Variants in SEMA6D observed in about 807,000 individuals in gnomAD.
SEMA6D encodes the protein semaphorin 6D.
A neutral mutation model predicts 106.6 loss-of-function variants in SEMA6D; 35 were observed. That is an observed-to-expected ratio of 0.33 (90% confidence interval 0.25 to 0.44). The LOEUF is 0.44. SEMA6D is among the 20% of genes least tolerant of loss of function. SEMA6D has a pLI of 1.00. For synonymous variants in SEMA6D, 499 were observed against 487.7 expected (o/e 1.02, Z -0.31); for missense variants, 1,185 against 1,345.9 (o/e 0.88, Z 1.87).
intron 1 of SEMA6D, among the ~76,000 whole-genome samples, chr15:47,250,270 G>T (rs1013001053): frequency 1.1e-4 from 17 of 151,694 alleles, no homozygotes; most frequent in African/African-American, 4.1e-4. Flanking sequence ...AACAAGACAC[G>T]ACATACTGTG....
At chr15:47,452,382 C>G (rs1379009320) in intron 2 of SEMA6D, among the ~76,000 whole-genome samples, 1 of 150,514 alleles carries the variant, frequency 6.6e-6, no homozygotes, top group African/African-American at 2.4e-5. Flanking sequence ...AGCTTTGACA[C>G]TTAGCATCTG....
intron 1 of SEMA6D, among the ~76,000 whole-genome samples, chr15:47,246,375 A>G (rs2033199462): frequency 1.3e-5 from 2 of 152,140 alleles, no homozygotes; most frequent in Admixed American, 1.3e-4. Context: ...GGACACAAGT[A>G]CAGCCTACGG....
At chr15:47,220,142 G>A (rs1021140146) in intron 1 of SEMA6D, among the ~76,000 whole-genome samples, 2 of 152,310 alleles carry the variant, frequency 1.3e-5, no homozygotes, top group South Asian at 4.1e-4. Context: ...CTAGCCAGAG[G>A]AAGTGGAGAA....
intron 1 of SEMA6D, among the ~76,000 whole-genome samples, chr15:47,293,067 TG>T (rs1267707812): frequency 6.6e-6 from 1 of 152,204 alleles, no homozygotes; most frequent in Non-Finnish European, 1.5e-5. Flanking sequence ...ACTCAATTCT[TG>T]GAAAAATGTC....
chr15:47,313,198 T>C (rs1448714332), intron 1 of SEMA6D, among the ~76,000 whole-genome samples: 1 of 152,180 alleles, frequency 6.6e-6, no homozygotes, highest in East Asian at 1.9e-4. Flanking sequence ...TTTGGAGAAA[T>C]GTATATGGGC....
intron 1 of SEMA6D, among the ~76,000 whole-genome samples, chr15:47,239,603 G>A (rs190233679): frequency 0.01 from 1,592 of 152,254 alleles, 32 homozygotes; most frequent in Admixed American, 0.011. Context: ...CACGTCTTAG[G>A]TTCAAATCCT....
chr15:47,730,708 G>A, intron 1 of SEMA6D: 3 of 1,606,816 alleles, frequency 1.9e-6, no homozygotes, highest in South Asian at 2.2e-5. Context: ...AATCGCAGGA[G>A]GCACTTTCAG....
chr15:47,295,621 T>C (rs1325819465), intron 1 of SEMA6D, among the ~76,000 whole-genome samples: 1 of 152,142 alleles, frequency 6.6e-6, no homozygotes, highest in Admixed American at 6.6e-5. Context: ...TTTAAAGCAA[T>C]GATTTGGGAA....
chr15:47,624,530 T>G (rs2077168145), intron 4 of SEMA6D, among the ~76,000 whole-genome samples: 1 of 137,240 alleles, frequency 7.3e-6, no homozygotes, highest in Non-Finnish European at 1.7e-5. Flanking sequence ...AAATAGAAAG[T>G]GTTCTTGAAA....
At chr15:47,631,798 C>T (rs570167409) in intron 4 of SEMA6D, among the ~76,000 whole-genome samples, 2 of 151,908 alleles carry the variant, frequency 1.3e-5, no homozygotes, top group Middle Eastern at 3.2e-3. Context: ...TTGTTTGAAA[C>T]CACCAAGTTT....
At chr15:47,431,757 G>A (rs1207392779) in intron 2 of SEMA6D, among the ~76,000 whole-genome samples, 1 of 152,074 alleles carries the variant, frequency 6.6e-6, no homozygotes, top group Non-Finnish European at 1.5e-5. Flanking sequence ...TCACATGCAC[G>A]AAAGAAATGC....
chr15:47,546,326 C>A (rs2142309568), intron 3 of SEMA6D, among the ~76,000 whole-genome samples: 1 of 152,188 alleles, frequency 6.6e-6, no homozygotes, highest in South Asian at 2.1e-4. Context: ...ATCAATGTTT[C>A]CCAAGATTAT....
At chr15:47,201,515 C>CA (rs1228833527) in intron 1 of SEMA6D, among the ~76,000 whole-genome samples, 2 of 152,226 alleles carry the variant, frequency 1.3e-5, no homozygotes, top group South Asian at 4.1e-4. Flanking sequence ...ATAATACAGA[C>CA]ATTATTCAAT....
At chr15:47,741,502 A>T (rs2147046830) in intron 1 of SEMA6D, among the ~76,000 whole-genome samples, 1 of 152,332 alleles carries the variant, frequency 6.6e-6, no homozygotes, top group Admixed American at 6.5e-5. Flanking sequence ...AGATCACCTG[A>T]GGTCGGCAGT....
chr15:47,550,508 C>G (rs4775694), intron 3 of SEMA6D, among the ~76,000 whole-genome samples: 1 of 152,162 alleles, frequency 6.6e-6, no homozygotes, highest in African/African-American at 2.4e-5. Context: ...GTATTCCCTA[C>G]TGTGAGAACT....
chr15:47,255,794 G>T (rs941062077), intron 1 of SEMA6D, among the ~76,000 whole-genome samples: 1 of 152,016 alleles, frequency 6.6e-6, no homozygotes, highest in African/African-American at 2.4e-5. Flanking sequence ...TTTATATTGT[G>T]CTTATCTCTA....
chr15:47,297,693 A>G (rs1166407995), intron 1 of SEMA6D, among the ~76,000 whole-genome samples: 5 of 152,196 alleles, frequency 3.3e-5, no homozygotes, highest in African/African-American at 1.2e-4. Context: ...ATGAGTGTCC[A>G]TTGTGATAAA....
At chr15:47,562,441 G>A (rs890358445) in intron 3 of SEMA6D, among the ~76,000 whole-genome samples, 5 of 152,020 alleles carry the variant, frequency 3.3e-5, no homozygotes, top group African/African-American at 7.2e-5. Flanking sequence ...TTGACAAATA[G>A]GATTTATTAA....
At chr15:47,556,333 T>G (rs1215360037) in intron 3 of SEMA6D, among the ~76,000 whole-genome samples, 1 of 152,170 alleles carries the variant, frequency 6.6e-6, no homozygotes, top group Non-Finnish European at 1.5e-5. Flanking sequence ...AATCATAGCA[T>G]GGATAAAATT....
Sources: allele counts gnomAD v4.1 joint callset (sites outside exome capture counted in the v4.1 genomes callset), GRCh38; gene constraint gnomAD v4.1.1; transcripts MANE v1.5; gene names NCBI Gene and HGNC (gene_info 2026-07-23, HGNC 2026-07-21).